Variants in TMEM37 observed in about 807,000 individuals in gnomAD.
TMEM37 encodes the protein transmembrane protein 37, also known as voltage-dependent calcium channel gamma-like subunit.
A neutral mutation model predicts 11.0 loss-of-function variants in TMEM37; 12 were observed. The observed-to-expected ratio is 1.09, with a 90% CI of 0.70 to 1.76. The LOEUF (loss-of-function observed/expected upper bound fraction) is 1.76, where lower values mean the gene tolerates loss of function less well. Among genes scored for constraint, TMEM37 ranks in the 40% most tolerant of loss-of-function variants. The pLI is 0.00. For missense variants in TMEM37, 203 were observed against 251.2 expected, an observed-to-expected ratio of 0.81 and a Z score of 1.30; for synonymous variants, 127 against 110.5, an observed-to-expected ratio of 1.15 and a Z score of -0.94.
At chr2:119,430,902 C>T (rs1445023254), upstream of TMEM37, among the ~76,000 whole-genome samples, 1 of 152,116 alleles carries the variant, frequency 6.6e-6, no homozygotes, top group Non-Finnish European at 1.5e-5. Context: ...TTTGGAAGGC[C>T]GAGATCGGTG....
At chr2:119,431,725 G>C, upstream of TMEM37, 1 of 458,258 alleles carries the variant, frequency 2.2e-6, no homozygotes, top group Non-Finnish European at 3.4e-6. Flanking sequence ...CCGAGCCGCG[G>C]AGGGCGGCGG....
intron 1 of TMEM37, among the ~76,000 whole-genome samples, chr2:119,433,731 G>A (rs1682446720): frequency 6.6e-6 from 1 of 152,140 alleles, no homozygotes; most frequent in Admixed American, 6.5e-5. Context: ...TTGCCTAAAG[G>A]TACCCTGCAG....
chr2:119,431,256 A>G (rs1414713509), upstream of TMEM37, among the ~76,000 whole-genome samples: 1 of 152,234 alleles, frequency 6.6e-6, no homozygotes, highest in Admixed American at 6.5e-5. Context: ...TCAGGAGGAA[A>G]CAGGGTTTTA....
chr2:119,435,213 A>ATTAGC (rs1682473960), intron 1 of TMEM37, among the ~76,000 whole-genome samples: 1 of 152,228 alleles, frequency 6.6e-6, no homozygotes, highest in Non-Finnish European at 1.5e-5. Flanking sequence ...TGGGGTTGAA[A>ATTAGC]TTAGCGGTAG....
rs1193337276 is a variant in TMEM37, at chr2:119,437,734, T to C, written c.*294T>C. 2.4e-6 allele frequency: 1 copy of C among 424,512 alleles called. No homozygotes were observed. The highest frequency in any genetic ancestry group is 4.2e-6 in the Non-Finnish European group (1 of 237,374). The allele number at this position is 424,512 out of a possible 1,614,324, so 26.3% of individuals were successfully genotyped here. A position where few individuals can be genotyped will look rare whatever the true frequency, so the allele number is the denominator to read the frequency against. On this transcript the variant is annotated 3_prime_UTR_variant, in exon 2 of 2. Transcript: ENST00000306406. ...AACATTTTAAAACTCCTTCTTGAAT[T>C]TTCTTCCCTGGACTGGAATACAGTT...
chr2:119,430,084 C>A, upstream of TMEM37: 1 of 988,708 alleles, frequency 1.0e-6, no homozygotes, highest in Non-Finnish European at 1.5e-6. Flanking sequence ...CTTCCTTTCC[C>A]ATGTGGGCTC....
chr2:119,435,153 A>G (rs1682473054), intron 1 of TMEM37, among the ~76,000 whole-genome samples: 1 of 152,238 alleles, frequency 6.6e-6, no homozygotes, highest in Non-Finnish European at 1.5e-5. Flanking sequence ...ATAGGATCCT[A>G]CTTAAGGCAG....
chr2:119,430,194 G>A (rs115389357), upstream of TMEM37: 2,905 of 641,946 alleles, frequency 4.5e-3, 59 homozygotes, highest in African/African-American at 0.047. Flanking sequence ...AGAGCAGAGA[G>A]GCACCAGGCT....
chr2:119,433,982 C>G (rs141332320), intron 1 of TMEM37, among the ~76,000 whole-genome samples: 14 of 152,212 alleles, frequency 9.2e-5, no homozygotes, highest in African/African-American at 3.4e-4. Flanking sequence ...TCATTTGATT[C>G]CTGGGAGTTT....
At chr2:119,431,727 G>A (rs1050401806), upstream of TMEM37, 8 of 462,388 alleles carry the variant, frequency 1.7e-5, no homozygotes, top group Non-Finnish European at 2.7e-5. Context: ...GAGCCGCGGA[G>A]GGCGGCGGGG....
Position 119,431,880 on chromosome 2 carries a change from T to TGC in TMEM37, c.-23_-22dup. 1 of 1,226,400 alleles carries TGC rather than the reference T, an allele frequency of 8.2e-7. No individual in the cohort carries two copies. Among genetic ancestry groups the TGC allele is most frequent in the East Asian group, 3.2e-5 (1 of 30,808 alleles). The allele number at this position is 1,226,400 out of a possible 1,614,324, so 76.0% of individuals were successfully genotyped here. On this transcript the variant is annotated 5_prime_UTR_variant, in exon 1 of 2. Transcript: ENST00000306406. ...GCGGAGCAGCTGGAGCGATCGAGGC[T>TGC]GCAGCGCGGCCGCCGGGCGCAGCAT... is the stretch of plus-strand genomic sequence containing the variant.
At chr2:119,433,166 G>A (rs1259252665) in intron 1 of TMEM37, among the ~76,000 whole-genome samples, 1 of 152,244 alleles carries the variant, frequency 6.6e-6, no homozygotes, top group African/African-American at 2.4e-5. Flanking sequence ...TGCCAGACGG[G>A]GAAGAGGAGG....
chr2:119,433,362 G>A (rs1379075498), intron 1 of TMEM37, among the ~76,000 whole-genome samples: 2 of 152,254 alleles, frequency 1.3e-5, no homozygotes, highest in Admixed American at 6.5e-5. Flanking sequence ...CAGCTGAGAG[G>A]AGCAGAGGCA....
chr2:119,431,396 T>C (rs1433545254), upstream of TMEM37, among the ~76,000 whole-genome samples: 1 of 152,082 alleles, frequency 6.6e-6, no homozygotes, highest in African/African-American at 2.4e-5. Flanking sequence ...TCCGAGACGC[T>C]AAACAAGCAG....
At chr2:119,436,787 C>A in intron 1 of TMEM37, 102 bp from the exon 2 acceptor site, 1 of 931,414 alleles carries the variant, frequency 1.1e-6, no homozygotes, top group Non-Finnish European at 1.7e-6. Flanking sequence ...GAGAATAAGA[C>A]AGTGCGGAGC....
chr2:119,435,302 T>C lies in TMEM37; in HGVS notation c.22-1587T>C, dbSNP rs73948690. On this transcript the variant is annotated intron_variant, in intron 1 of 1. Transcript: ENST00000306406. ...GGAGTCTCCCAGAAGCAGGGCTTTA[T>C]TTTATGTCTCACACAGAGAGGAGTG... Among the ~76,000 whole-genome samples the C allele has an allele frequency of 9.2e-3, 1,408 of 152,304 alleles. 22 individuals carry two copies. Among genetic ancestry groups the C allele is most frequent in the African/African-American group, 0.031 (1,298 of 41,558 alleles).
rs115226301 is a variant in TMEM37 at position 119,437,532 on chromosome 2, G to A, written c.*92G>A. 21,925 of 1,489,794 alleles carry A rather than the reference G, an allele frequency of 0.015. 214 individuals are homozygous for A. Among genetic ancestry groups the A allele is most frequent in the Non-Finnish European group, 0.018 (20,402 of 1,111,442 alleles). The allele number at this position is 1,489,794 out of a possible 1,614,324, so 92.3% of individuals were successfully genotyped here. ...TTTTCCAGCATGTGGCCTCTGGTGGGGCTGGGTTGGACAAGGGCCTTGAAA... is the reference window on the plus strand; with the variant it reads ...TTTTCCAGCATGTGGCCTCTGGTGGAGCTGGGTTGGACAAGGGCCTTGAAA... On this transcript the variant is annotated 3_prime_UTR_variant, in exon 2 of 2. Transcript: ENST00000306406.
At chr2:119,433,680 A>G (rs75074495) in intron 1 of TMEM37, among the ~76,000 whole-genome samples, 2,466 of 152,210 alleles carry the variant, frequency 0.016, 67 homozygotes, top group African/African-American at 0.056. Flanking sequence ...AAATGCTTAC[A>G]TTTTTAGCAG....
At chr2:119,430,295 C>T, upstream of TMEM37, 1 of 595,380 alleles carries the variant, frequency 1.7e-6, no homozygotes, top group East Asian at 3.9e-5. Context: ...CTTGAGGCCA[C>T]TCAGCCAGAA....
Sources: gnomAD v4.1 joint callset for allele counts (sites outside exome capture counted in the v4.1 genomes callset) on GRCh38, gnomAD v4.1.1 for gene constraint, MANE v1.5 for transcripts, NCBI Gene and HGNC (gene_info 2026-07-23, HGNC 2026-07-21) for gene names.